Variants in FOXP1 observed in about 807,000 individuals in gnomAD.
The protein encoded by FOXP1 is forkhead box P1, also known as forkhead box protein P1.
A neutral mutation model predicts 98.2 loss-of-function variants in FOXP1; 15 were observed. The ratio of observed to expected loss-of-function variants is 0.15; its 90% CI spans 0.10 to 0.24. FOXP1 has a LOEUF of 0.24. Among genes scored for constraint, FOXP1 ranks in the 10% least tolerant of loss-of-function variants. The probability of loss-of-function intolerance (pLI) is 1.00; values close to 1 mark genes in which losing one functional copy is unlikely to be tolerated. For missense variants in FOXP1, 633 were observed against 848.5 expected, an observed-to-expected ratio of 0.75 and a Z score of 3.15; for synonymous variants, 371 against 314.5, an observed-to-expected ratio of 1.18 and a Z score of -1.90.
chr3:71,471,839 A>G (rs978798957), intron 3 of FOXP1, among the ~76,000 whole-genome samples: 1 of 152,152 alleles, frequency 6.6e-6, no homozygotes. Context: ...TGATAACTCC[A>G]TGTTCTGATG....
chr3:71,197,756 A>G, intron 6 of FOXP1: 1 of 922,068 alleles, frequency 1.1e-6, no homozygotes. Context: ...CTATGTATTT[A>G]TTTCAACTCT....
At chr3:71,494,562 A>G (rs957079556) in intron 2 of FOXP1, among the ~76,000 whole-genome samples, 3 of 152,298 alleles carry the variant, frequency 2.0e-5, no homozygotes, top group Non-Finnish European at 4.4e-5. Flanking sequence ...GGTGCCCAGG[A>G]AAGGCTTCCA....
At chr3:71,555,432 G>A (rs1440261861) in intron 2 of FOXP1, among the ~76,000 whole-genome samples, 1 of 152,202 alleles carries the variant, frequency 6.6e-6, no homozygotes, top group Non-Finnish European at 1.5e-5. Flanking sequence ...AGAAGACCAT[G>A]AAGAAATAGG....
chr3:71,429,436 G>A (rs1425798381), intron 3 of FOXP1, among the ~76,000 whole-genome samples: 8 of 142,982 alleles, frequency 5.6e-5, no homozygotes, highest in South Asian at 2.4e-4. Context: ...AGCAGGCAGC[G>A]AGGCGGAACT....
chr3:71,074,990 C>G (rs887540865), intron 7 of FOXP1, among the ~76,000 whole-genome samples: 5 of 152,246 alleles, frequency 3.3e-5, no homozygotes, highest in Non-Finnish European at 7.3e-5. Context: ...CGACACATGA[C>G]TGAGCACCAG....
chr3:71,004,374 T>C (rs2042503096), intron 12 of FOXP1, among the ~76,000 whole-genome samples: 2 of 152,144 alleles, frequency 1.3e-5, no homozygotes, highest in Admixed American at 6.6e-5. Flanking sequence ...AAATGTAATA[T>C]GAAATTCTGA....
intron 3 of FOXP1, among the ~76,000 whole-genome samples, chr3:71,430,596 G>T (rs895756046): frequency 6.6e-6 from 1 of 151,740 alleles, no homozygotes; most frequent in African/African-American, 2.4e-5. Flanking sequence ...AAATTATTTG[G>T]TTCCTTATTT....
chr3:71,166,007 C>T (rs911259275), intron 6 of FOXP1, among the ~76,000 whole-genome samples: 3 of 152,170 alleles, frequency 2.0e-5, no homozygotes, highest in African/African-American at 7.2e-5. Flanking sequence ...ATTAAGAAAA[C>T]AAGTTCCCCA....
chr3:71,356,642 T>C (rs1368256207), intron 4 of FOXP1, among the ~76,000 whole-genome samples: 14 of 152,246 alleles, frequency 9.2e-5, no homozygotes, highest in Admixed American at 6.5e-5. Flanking sequence ...CTTTTCCAGA[T>C]AAGGAGGCCG....
At chr3:71,011,648 G>T (rs2043650964) in intron 12 of FOXP1, among the ~76,000 whole-genome samples, 2 of 152,048 alleles carry the variant, frequency 1.3e-5, no homozygotes, top group Non-Finnish European at 2.9e-5. Flanking sequence ...TTTAAGTTGG[G>T]TTTCTGTAAC....
At chr3:71,549,602 T>C (rs755406943) in intron 2 of FOXP1, among the ~76,000 whole-genome samples, 3 of 152,200 alleles carry the variant, frequency 2.0e-5, no homozygotes, top group African/African-American at 7.2e-5. Flanking sequence ...CTTGAACTTC[T>C]GGCCTCAGGC....
intron 3 of FOXP1, among the ~76,000 whole-genome samples, chr3:71,423,105 C>T (rs1274111650): frequency 6.6e-6 from 1 of 152,202 alleles, no homozygotes; most frequent in Admixed American, 6.5e-5. Flanking sequence ...GTCTCTGGTT[C>T]AACAGGTTTA....
At chr3:71,433,907 C>A (rs2084965748) in intron 3 of FOXP1, among the ~76,000 whole-genome samples, 1 of 152,228 alleles carries the variant, frequency 6.6e-6, no homozygotes, top group African/African-American at 2.4e-5. Flanking sequence ...GCCACAGATC[C>A]ATGCCAAATG....
intron 3 of FOXP1, among the ~76,000 whole-genome samples, chr3:71,374,827 T>C (rs1161834326): frequency 6.6e-6 from 1 of 152,188 alleles, no homozygotes; most frequent in Non-Finnish European, 1.5e-5. Context: ...GCAAAGCACC[T>C]GGTACTCTCT....
chr3:71,501,919 C>A (rs554054215), intron 2 of FOXP1, among the ~76,000 whole-genome samples: 1 of 152,118 alleles, frequency 6.6e-6, no homozygotes, highest in African/African-American at 2.4e-5. Flanking sequence ...TGGTTTCTTT[C>A]GCAGAGTGAG....
chr3:71,232,759 A>T (rs1187383349), intron 5 of FOXP1, among the ~76,000 whole-genome samples: 1 of 150,600 alleles, frequency 6.6e-6, no homozygotes, highest in Non-Finnish European at 1.5e-5. Context: ...AATTTAGCCA[A>T]TTGCAGTGAT....
chr3:71,544,769 T>C (rs1296366370), intron 2 of FOXP1, among the ~76,000 whole-genome samples: 1 of 152,156 alleles, frequency 6.6e-6, no homozygotes, highest in Admixed American at 6.5e-5. Context: ...ACAACTGTTG[T>C]AAGTTACCAT....
chr3:71,192,647 G>T (rs2063056645), intron 6 of FOXP1, among the ~76,000 whole-genome samples: 1 of 152,210 alleles, frequency 6.6e-6, no homozygotes. Flanking sequence ...ATTTGCTTGT[G>T]TATTTTTTGT....
At chr3:71,552,784 C>T (rs1251344500) in intron 2 of FOXP1, among the ~76,000 whole-genome samples, 1 of 151,934 alleles carries the variant, frequency 6.6e-6, no homozygotes, top group African/African-American at 2.4e-5. Context: ...TTTGTATTTA[C>T]AGTTACCAAA....
Sources: gnomAD v4.1 joint callset for allele counts (sites outside exome capture counted in the v4.1 genomes callset) on GRCh38, gnomAD v4.1.1 for gene constraint, MANE v1.5 for transcripts, NCBI Gene and HGNC (gene_info 2026-07-23, HGNC 2026-07-21) for gene names.